IDO2: variants seen among roughly 807,000 people sequenced by gnomAD.
IDO2 encodes indoleamine 2,3-dioxygenase 2, also known as indoleamine 2,3-dioxygenase-like 1 protein.
Under a neutral mutation model 45.1 loss-of-function variants are expected in IDO2, and 46 were observed. The observed-to-expected ratio is 1.02, with a 90% CI of 0.80 to 1.30. IDO2 has a LOEUF of 1.30. Ranked by LOEUF, IDO2 falls within the 50% of genes most tolerant of loss-of-function variation. IDO2 has a pLI of 0.00. For missense variants in IDO2, 544 were observed against 491.8 expected, an observed-to-expected ratio of 1.11 and a Z score of -1.00; for synonymous variants, 218 against 184.9, an observed-to-expected ratio of 1.18 and a Z score of -1.45.
rs112673690 is a variant in IDO2 at position 39,982,133 on chromosome 8, A to G, written c.316-519A>G. Among the ~76,000 whole-genome samples, 665 of 152,110 alleles carry G rather than the reference A, an allele frequency of 4.4e-3. 4 individuals are homozygous for G. The highest frequency in any genetic ancestry group is 0.015 in the African/African-American group (642 of 41,472). Reference sequence around the variant, plus strand: ...TCTCTATGAGTCGGTCAATCAATAAATCTATCTATCATCTGTCTACTGATC... The same window carrying G: ...TCTCTATGAGTCGGTCAATCAATAAGTCTATCTATCATCTGTCTACTGATC... On this transcript the variant is annotated intron_variant, in intron 4 of 10. Transcript: ENST00000502986.
chr8:40,002,153 C>T (rs1256800879), intron 8 of IDO2, among the ~76,000 whole-genome samples: 4 of 152,044 alleles, frequency 2.6e-5, no homozygotes, highest in South Asian at 2.1e-4. Context: ...TTTTAATTCA[C>T]ATATAATTAC....
intron 8 of IDO2, among the ~76,000 whole-genome samples, chr8:40,001,245 ATTTTTTTTT>A (rs1187145007): frequency 4.2e-5 from 4 of 94,460 alleles, no homozygotes; most frequent in Non-Finnish European, 5.5e-5. Context: ...GGCTTTCCTC[ATTTTTTTTT>A]TTTTTTTTTT....
At chr8:40,002,305 C>A (rs1017144756) in intron 8 of IDO2, among the ~76,000 whole-genome samples, 2 of 152,068 alleles carry the variant, frequency 1.3e-5, no homozygotes, top group African/African-American at 4.8e-5. Context: ...TTTCTAGGCT[C>A]TCTGTTCTGT....
intron 2 of IDO2, among the ~76,000 whole-genome samples, chr8:39,952,184 C>A (rs1313136988): frequency 1.3e-5 from 2 of 152,086 alleles, no homozygotes; most frequent in Admixed American, 1.3e-4. Context: ...TAAGGAGGGA[C>A]CCAGCCACTA....
chr8:39,951,073 T>C (rs1225408074), intron 2 of IDO2, among the ~76,000 whole-genome samples: 1 of 71,446 alleles, frequency 1.4e-5, no homozygotes, highest in Non-Finnish European at 3.8e-5. Context: ...AGCTCTCTAC[T>C]CTTGGAAGCA....
chr8:39,980,685 C>A (rs954954762), intron 4 of IDO2, among the ~76,000 whole-genome samples: 2 of 152,144 alleles, frequency 1.3e-5, no homozygotes, highest in African/African-American at 4.8e-5. Context: ...ACACAGGAGA[C>A]TCAGGGAAGA....
At chr8:39,972,623 AAAAAAAAAAAAAGTTCTACTGGGG>A (rs1808195865) in intron 3 of IDO2, among the ~76,000 whole-genome samples, 3 of 151,048 alleles carry the variant, frequency 2.0e-5, no homozygotes, top group Non-Finnish European at 1.5e-5. Context: ...AAAAAAAAAA[AAAAAAAAAAAAAGTTCTACTGGGG>A]AAAAAATGCT....
At chr8:39,946,929 G>A (rs889637020) in intron 1 of IDO2, among the ~76,000 whole-genome samples, 1 of 152,066 alleles carries the variant, frequency 6.6e-6, no homozygotes, top group South Asian at 2.1e-4. Flanking sequence ...GGAGGCCAAG[G>A]TGGGTGGATC....
chr8:39,968,711 G>C lies in IDO2; in HGVS notation c.195+5008G>C, dbSNP rs369274587. On this transcript the variant is annotated intron_variant, in intron 3 of 10. Transcript: ENST00000502986. Reference sequence around the variant, plus strand: ...AACATCACACACCGGGGCCTGTTGTGGGGTGGGGGGCTAGGGGAGGGAGAG... The same window carrying C: ...AACATCACACACCGGGGCCTGTTGTCGGGTGGGGGGCTAGGGGAGGGAGAG... Among the ~76,000 whole-genome samples, 5 of 152,030 alleles carry C rather than the reference G, an allele frequency of 3.3e-5. No individual in the cohort carries two copies. The South Asian group carries it at 1.0e-3, about 32-fold the overall frequency.
intron 4 of IDO2, among the ~76,000 whole-genome samples, chr8:39,980,325 T>A (rs990201112): frequency 6.6e-6 from 1 of 152,182 alleles, no homozygotes; most frequent in South Asian, 2.1e-4. Flanking sequence ...ACCCAGGTCT[T>A]CTGATTTTAC....
chr8:40,014,924 G>A (rs1414408386), intron 10 of IDO2, among the ~76,000 whole-genome samples: 1 of 152,124 alleles, frequency 6.6e-6, no homozygotes, highest in Non-Finnish European at 1.5e-5. Flanking sequence ...TGAGGCAGGT[G>A]GATCGCTTGA....
At chr8:39,959,938 C>G (rs1437149107) in intron 2 of IDO2, among the ~76,000 whole-genome samples, 2 of 152,086 alleles carry the variant, frequency 1.3e-5, no homozygotes, top group African/African-American at 4.8e-5. Flanking sequence ...GAGATCGCAC[C>G]ACTGCACTTT....
rs145113781 is a variant in IDO2, at chr8:39,983,357, A to G, written c.434+587A>G. On this transcript the variant is annotated intron_variant, in intron 5 of 10. Coordinates refer to ENST00000502986, the Ensembl canonical transcript of IDO2. ...TTAGACAGATGATCTGAGATGTTAA[A>G]TTTTCCTTTCACCTTAATTTTTGCA... is the stretch of plus-strand genomic sequence containing the variant. Among the ~76,000 whole-genome samples, 6 of 152,312 alleles carry G rather than the reference A, an allele frequency of 3.9e-5. No homozygotes were observed. In the East Asian group the frequency reaches 9.6e-4, roughly 24 times the overall value.
At chr8:39,960,001 TG>T (rs1807968225) in intron 2 of IDO2, among the ~76,000 whole-genome samples, 1 of 152,118 alleles carries the variant, frequency 6.6e-6, no homozygotes, top group Non-Finnish European at 1.5e-5. Context: ...AATCAGAGAT[TG>T]TGAGTAGGAT....
intron 9 of IDO2, among the ~76,000 whole-genome samples, chr8:40,008,227 A>G (rs1444491733): frequency 1.3e-5 from 2 of 151,676 alleles, no homozygotes; most frequent in African/African-American, 4.8e-5. Context: ...TGTATTTTTC[A>G]TAGAGATGTG....
intron 8 of IDO2, among the ~76,000 whole-genome samples, chr8:39,997,269 A>G (rs868532373): frequency 6.6e-6 from 1 of 152,224 alleles, no homozygotes; most frequent in African/African-American, 2.4e-5. Context: ...CTGTCTACAA[A>G]TTTCTGACAG....
At chr8:39,985,561 G>T in intron 6 of IDO2, 39 bp downstream of exon 6, 1 of 1,522,550 alleles carries the variant, frequency 6.6e-7, no homozygotes, top group South Asian at 1.2e-5. Context: ...TTAGAATCCA[G>T]GCCAAATTTA....
At chr8:40,003,368 C>CAAAAAAAAAAAAAAAAAAAAAAAAAAAAA (rs1172335332) in intron 8 of IDO2, among the ~76,000 whole-genome samples, 1 of 118,426 alleles carries the variant, frequency 8.4e-6, no homozygotes, top group Non-Finnish European at 1.7e-5. Context: ...GACTCCATCT[C>CAAAAAAAAAAAAAAAAAAAAAAAAAAAAA]AAAAAAAAAA....
intron 9 of IDO2, among the ~76,000 whole-genome samples, chr8:40,007,788 G>C (rs945334187): frequency 6.6e-6 from 1 of 152,134 alleles, no homozygotes; most frequent in Non-Finnish European, 1.5e-5. Context: ...GGAATCATAG[G>C]CAAGCTCAAC....
Sources: gnomAD v4.1 joint callset for allele counts (sites outside exome capture counted in the v4.1 genomes callset) on GRCh38, gnomAD v4.1.1 for gene constraint, MANE v1.5 for transcripts, NCBI Gene and HGNC (gene_info 2026-07-23, HGNC 2026-07-21) for gene names.